Variants in MYO3B observed in about 807,000 individuals in gnomAD.
The protein encoded by MYO3B is myosin-IIIb.
A neutral mutation model predicts 174.6 loss-of-function variants in MYO3B; 156 were observed. The observed-to-expected ratio is 0.89, with a 90% CI of 0.78 to 1.02. The LOEUF (loss-of-function observed/expected upper bound fraction) is 1.02. Among genes scored for constraint, MYO3B ranks in the 50% least tolerant of loss-of-function variants. The pLI, the probability that MYO3B is intolerant of heterozygous loss-of-function variation, is 0.00. For missense variants in MYO3B, 1,632 were observed against 1,639.4 expected (o/e 1.00, Z 0.08); for synonymous variants, 563 against 569.1 (o/e 0.99, Z 0.15).
At chr2:170,383,227 G>A in intron 11 of MYO3B, 38 bp downstream of exon 11, 1 of 1,279,610 alleles carries the variant, frequency 7.8e-7, no homozygotes, top group Non-Finnish European at 1.1e-6. Context: ...TCCTTAATAG[G>A]AAATTAAAAC....
At chr2:170,462,752 C>A (rs1489136153) in intron 23 of MYO3B, among the ~76,000 whole-genome samples, 5 of 152,252 alleles carry the variant, frequency 3.3e-5, no homozygotes, top group Non-Finnish European at 1.5e-5. Flanking sequence ...TTGCAGTCAG[C>A]CCCTACAATT....
intron 7 of MYO3B, among the ~76,000 whole-genome samples, chr2:170,333,175 A>G (rs567818050): frequency 1.3e-5 from 2 of 152,224 alleles, no homozygotes; most frequent in Non-Finnish European, 2.9e-5. Flanking sequence ...ATGATCTAGG[A>G]TAACGGACTC....
intron 32 of MYO3B, among the ~76,000 whole-genome samples, chr2:170,636,182 A>AGTTTGTT (rs1227361463): frequency 6.6e-6 from 1 of 152,162 alleles, no homozygotes; most frequent in African/African-American, 2.4e-5. Context: ...AAAGTATAAG[A>AGTTTGTT]GTTTGTTGGC....
At chr2:170,251,604 AGGAACGCCTG>A (rs1340599380) in intron 7 of MYO3B, among the ~76,000 whole-genome samples, 2 of 152,220 alleles carry the variant, frequency 1.3e-5, no homozygotes, top group African/African-American at 4.8e-5. Context: ...ATAGAGGTCC[AGGAACGCCTG>A]GGCTACCAGA....
At chr2:170,306,465 A>G (rs1054692075) in intron 7 of MYO3B, among the ~76,000 whole-genome samples, 4 of 152,248 alleles carry the variant, frequency 2.6e-5, no homozygotes, top group Non-Finnish European at 5.9e-5. Flanking sequence ...TATGAACTCC[A>G]GAAATGTACA....
intron 8 of MYO3B, among the ~76,000 whole-genome samples, chr2:170,354,321 T>C (rs1242665858): frequency 1.3e-5 from 2 of 152,222 alleles, no homozygotes; most frequent in Non-Finnish European, 2.9e-5. Context: ...GTGGCCTGTC[T>C]AGAGCAGAGA....
At chr2:170,284,171 A>G (rs2093536401) in intron 7 of MYO3B, among the ~76,000 whole-genome samples, 1 of 152,190 alleles carries the variant, frequency 6.6e-6, no homozygotes, top group Non-Finnish European at 1.5e-5. Flanking sequence ...AGAGAGGTGC[A>G]GAGGAAATGC....
At chr2:170,589,544 CAAA>C (rs933234149) in intron 32 of MYO3B, among the ~76,000 whole-genome samples, 1 of 149,520 alleles carries the variant, frequency 6.7e-6, no homozygotes, top group East Asian at 1.9e-4. Context: ...TAGTTTTTAA[CAAA>C]AAAAAGTTTT....
intron 32 of MYO3B, chr2:170,641,286 G>A (rs1008082549): frequency 6.6e-6 from 1 of 152,142 alleles, no homozygotes; most frequent in African/African-American, 2.4e-5. Flanking sequence ...TAAATTGTCA[G>A]ACTTTTTCTT....
chr2:170,299,384 G>A (rs1559369304), intron 7 of MYO3B, among the ~76,000 whole-genome samples: 1 of 152,064 alleles, frequency 6.6e-6, no homozygotes, highest in Non-Finnish European at 1.5e-5. Flanking sequence ...TGGCTTGTCT[G>A]ATATCACAGT....
intron 20 of MYO3B, among the ~76,000 whole-genome samples, chr2:170,405,334 G>A (rs1300176502): frequency 1.3e-5 from 2 of 152,154 alleles, no homozygotes; most frequent in Admixed American, 6.5e-5. Flanking sequence ...CGATCTTAGA[G>A]CACAGCCTGA....
chr2:170,513,024 C>T (rs1688078949), intron 28 of MYO3B, among the ~76,000 whole-genome samples: 1 of 152,120 alleles, frequency 6.6e-6, no homozygotes, highest in African/African-American at 2.4e-5. Context: ...CATAATAATC[C>T]ATATGTATGA....
At chr2:170,463,515 C>A in intron 24 of MYO3B, 70 bp downstream of exon 24, 2 of 1,343,160 alleles carry the variant, frequency 1.5e-6, no homozygotes, top group Non-Finnish European at 2.1e-6. Context: ...TTATGAGATG[C>A]CCAGATGGAG....
Position 170,551,357 on chromosome 2 carries a change from T to TTTAA in MYO3B, c.3733+7372_3733+7373insATTA, listed in dbSNP as rs1480367033. On this transcript the variant is annotated intron_variant, in intron 32 of 34. Coordinates refer to ENST00000408978, the MANE Select transcript of MYO3B (RefSeq NM_138995.5). ...TAATTTAATTTAATTTAATTATTTA[T>TTTAA]TTATTTATTTATTTATTTATTTATT... Among the ~76,000 whole-genome samples the TTTAA allele has an allele frequency of 5.1e-5, 7 of 138,112 alleles. No individual in the cohort carries two copies. In the Admixed American group the frequency reaches 5.4e-4, roughly 11 times the overall value. The allele number at this position is 138,112 out of a possible 152,430, so 90.6% of individuals were successfully genotyped here. A position where few individuals can be genotyped will look rare whatever the true frequency, so the allele number is the denominator to read the frequency against.
chr2:170,340,826 G>A (rs561085604), intron 8 of MYO3B: 2 of 152,216 alleles, frequency 1.3e-5, no homozygotes, highest in African/African-American at 4.8e-5. Context: ...CTGTTTTTGT[G>A]GTTTTCTTAA....
chr2:170,622,437 A>T (rs1696005050), intron 32 of MYO3B, among the ~76,000 whole-genome samples: 1 of 152,222 alleles, frequency 6.6e-6, no homozygotes, highest in Non-Finnish European at 1.5e-5. Flanking sequence ...GTAAAAACTT[A>T]AAACAATACA....
intron 25 of MYO3B, among the ~76,000 whole-genome samples, chr2:170,481,029 C>T (rs1182633652): frequency 2.6e-5 from 4 of 152,140 alleles, no homozygotes; most frequent in East Asian, 1.9e-4. Flanking sequence ...CACAGGATAG[C>T]GTTTAGAGAA....
At chr2:170,349,459 T>A (rs1183570228) in intron 8 of MYO3B, 1 of 152,170 alleles carries the variant, frequency 6.6e-6, no homozygotes, top group Non-Finnish European at 1.5e-5. Flanking sequence ...TATCCATTCC[T>A]TTTGAAGAAC....
Position 170,206,435 on chromosome 2 carries a change from T to G in MYO3B, c.321+6151T>G, listed in dbSNP as rs2092713971. Among the ~76,000 whole-genome samples the G allele has an allele frequency of 6.6e-6, 1 of 152,146 alleles. No homozygotes were observed. The highest frequency in any genetic ancestry group is 6.5e-5 in the Admixed American group (1 of 15,268). ...GCAGTGACCTCTTTGAGGCTAGAGA[T>G]TGTGTCATATTCATGATTGAGTAAT... On this transcript the variant is annotated intron_variant, in intron 3 of 34. Transcript: ENST00000408978. This position sits in a 1 kb window ranked among gnomAD's most constrained non-coding sequence, Gnocchi z 4.3.
Sources: allele counts gnomAD v4.1 joint callset (sites outside exome capture counted in the v4.1 genomes callset), GRCh38; gene constraint gnomAD v4.1.1; non-coding constraint Gnocchi (gnomAD v3.1); transcripts MANE v1.5; gene names NCBI Gene and HGNC (gene_info 2026-07-23, HGNC 2026-07-21).